The following GRID1 variants were observed in gnomAD, a reference collection of about 807,000 sequenced individuals.
GRID1 encodes glutamate receptor ionotropic, delta-1.
A neutral mutation model predicts 98.0 loss-of-function variants in GRID1; 28 were observed. The ratio of observed to expected loss-of-function variants is 0.29; its 90% CI spans 0.21 to 0.39. The LOEUF (loss-of-function observed/expected upper bound fraction) is 0.39. GRID1 is among the 10% of genes least tolerant of loss of function. The pLI is 1.00. For synonymous variants in GRID1, 553 were observed against 538.5 expected, an observed-to-expected ratio of 1.03 and a Z score of -0.37; for missense variants, 1,111 against 1,340.5, an observed-to-expected ratio of 0.83 and a Z score of 2.67.
chr10:86,106,950 G>C (rs1844398338), intron 4 of GRID1, among the ~76,000 whole-genome samples: 1 of 152,144 alleles, frequency 6.6e-6, no homozygotes, highest in Admixed American at 6.5e-5. Flanking sequence ...AGTTCTACGA[G>C]AGAGGACTTC....
intron 5 of GRID1, among the ~76,000 whole-genome samples, chr10:85,877,777 C>T (rs1269402208): frequency 1.3e-5 from 2 of 152,166 alleles, no homozygotes; most frequent in Admixed American, 6.5e-5. Context: ...CGGAGAATGA[C>T]CTTGACGAGT....
Position 86,258,088 on chromosome 10 carries a change from A to G in GRID1, c.236-51440T>C, listed in dbSNP as rs76119961. ...TTCTAAACCCCTCAGCAAAACAGGA[A>G]GAAACAACAGAGAAAACTCAAAGTG... On this transcript the variant is annotated intron_variant, in intron 2 of 15. Coordinates refer to ENST00000327946, the MANE Select transcript of GRID1 (RefSeq NM_017551.3). Among the ~76,000 whole-genome samples the G allele has an allele frequency of 3.6e-3, 546 of 152,332 alleles. 5 individuals are homozygous for G. Among genetic ancestry groups the G allele is most frequent in the African/African-American group, 0.011 (465 of 41,580 alleles).
chr10:86,112,892 G>A (rs980480786), intron 4 of GRID1, among the ~76,000 whole-genome samples: 6 of 152,078 alleles, frequency 3.9e-5, no homozygotes, highest in African/African-American at 1.4e-4. Flanking sequence ...GTTTTGCATT[G>A]GCCAGGATTA....
intron 4 of GRID1, among the ~76,000 whole-genome samples, chr10:86,075,575 G>A (rs1843869601): frequency 6.6e-6 from 1 of 152,178 alleles, no homozygotes; most frequent in South Asian, 2.1e-4. Context: ...CCCATTTGTG[G>A]TACTTTGTTA....
At chr10:85,884,385 A>T (rs1841082630) in intron 5 of GRID1, among the ~76,000 whole-genome samples, 1 of 152,110 alleles carries the variant, frequency 6.6e-6, no homozygotes, top group African/African-American at 2.4e-5. Flanking sequence ...AACCTCAGTT[A>T]TTATGCTATA....
chr10:85,891,375 T>C (rs1466726553), intron 5 of GRID1, among the ~76,000 whole-genome samples: 1 of 152,072 alleles, frequency 6.6e-6, no homozygotes, highest in East Asian at 1.9e-4. Context: ...AATCCTTACA[T>C]CTGAACAAGA....
At chr10:85,712,500 A>G (rs1841593467) in intron 12 of GRID1, among the ~76,000 whole-genome samples, 1 of 151,894 alleles carries the variant, frequency 6.6e-6, no homozygotes, top group Admixed American at 6.6e-5. Flanking sequence ...CCCACTTTCA[A>G]CAATGGAAAG....
Position 86,103,529 on chromosome 10 carries a change from A to G in GRID1, c.726+35290T>C, listed in dbSNP as rs192381766. Reference sequence around the variant, plus strand: ...GCCTAGGCTCCCCCAAGCAAGCGTCAGCCATGGGAGCTGGAGCCCATGTGG... The same window carrying G: ...GCCTAGGCTCCCCCAAGCAAGCGTCGGCCATGGGAGCTGGAGCCCATGTGG... On this transcript the variant is annotated intron_variant, in intron 4 of 15. Transcript: ENST00000327946. 2.8e-3 allele frequency among the ~76,000 whole-genome samples: 425 copies of G among 152,354 alleles called. 1 individual carries two copies. Among genetic ancestry groups the G allele is most frequent in the African/African-American group, 9.5e-3 (397 of 41,582 alleles).
intron 3 of GRID1, among the ~76,000 whole-genome samples, chr10:86,145,875 G>C (rs1382846173): frequency 6.6e-6 from 1 of 152,104 alleles, no homozygotes; most frequent in African/African-American, 2.4e-5. Flanking sequence ...CCTGAAGCCC[G>C]GCGTGACTTC....
chr10:86,021,050 GCCTGCC>G (rs1843041808), intron 4 of GRID1, among the ~76,000 whole-genome samples: 1 of 74 alleles, frequency 0.014, no homozygotes. Context: ...AACCTGACCT[GCCTGCC>G]TGCCTGCCTG....
intron 8 of GRID1, among the ~76,000 whole-genome samples, chr10:85,775,227 C>CA (rs1207129729): frequency 6.8e-6 from 1 of 148,068 alleles, no homozygotes; most frequent in South Asian, 2.2e-4. Flanking sequence ...ATCACAAGAA[C>CA]AAAAAACCAA....
chr10:86,069,283 T>A (rs922402196), intron 4 of GRID1, among the ~76,000 whole-genome samples: 2 of 152,056 alleles, frequency 1.3e-5, no homozygotes, highest in Non-Finnish European at 2.9e-5. Flanking sequence ...AGAACCCAGC[T>A]TTCAGGGGCT....
chr10:86,009,907 T>C (rs1426661648), intron 4 of GRID1, among the ~76,000 whole-genome samples: 1 of 152,236 alleles, frequency 6.6e-6, no homozygotes, highest in African/African-American at 2.4e-5. Flanking sequence ...TGAAAACCCA[T>C]GTCTCAGTGA....
At chr10:85,854,670 T>A in intron 7 of GRID1, 55 bp from the exon 8 acceptor site, 3 of 1,597,598 alleles carry the variant, frequency 1.9e-6, no homozygotes, top group Non-Finnish European at 1.7e-6. Flanking sequence ...GAGGATGGAG[T>A]CCCAAAGGCT....
intron 4 of GRID1, among the ~76,000 whole-genome samples, chr10:86,053,113 C>T (rs1322688260): frequency 2.0e-5 from 3 of 152,190 alleles, no homozygotes; most frequent in Non-Finnish European, 2.9e-5. Context: ...TTACCCTCCG[C>T]TGCAAAGGTA....
chr10:86,016,611 A>C (rs760151352), intron 4 of GRID1, among the ~76,000 whole-genome samples: 2 of 152,114 alleles, frequency 1.3e-5, no homozygotes, highest in Non-Finnish European at 2.9e-5. Flanking sequence ...GTCCTCCATA[A>C]ATATTAGTGG....
chr10:86,208,263 C>G (rs1405952161), intron 2 of GRID1, among the ~76,000 whole-genome samples: 1 of 152,146 alleles, frequency 6.6e-6, no homozygotes, highest in Non-Finnish European at 1.5e-5. Context: ...CTCTCCTCTT[C>G]AAGGCCACCG....
At chr10:86,066,282 A>T (rs1448477447) in intron 4 of GRID1, among the ~76,000 whole-genome samples, 1 of 152,174 alleles carries the variant, frequency 6.6e-6, no homozygotes, top group Non-Finnish European at 1.5e-5. Context: ...ACCTGCCAGG[A>T]GGGACTGCAC....
intron 12 of GRID1, among the ~76,000 whole-genome samples, chr10:85,683,448 A>G (rs1479678198): frequency 2.0e-5 from 3 of 152,188 alleles, no homozygotes; most frequent in South Asian, 2.1e-4. Flanking sequence ...GAGCTCTTAG[A>G]TTTGGCATGG....
Sources: gnomAD v4.1 joint callset for allele counts (sites outside exome capture counted in the v4.1 genomes callset) on GRCh38, gnomAD v4.1.1 for gene constraint, MANE v1.5 for transcripts, NCBI Gene and HGNC (gene_info 2026-07-23, HGNC 2026-07-21) for gene names.